The following SGCZ variants were observed in gnomAD, a reference collection of about 807,000 sequenced individuals.
The protein encoded by SGCZ is zeta-sarcoglycan.
Under a neutral mutation model 41.3 loss-of-function variants are expected in SGCZ, and 40 were observed. That is an observed-to-expected ratio of 0.97 (90% CI 0.75 to 1.26). The LOEUF (loss-of-function observed/expected upper bound fraction) is 1.26, where lower values mean the gene tolerates loss of function less well. SGCZ is among the 50% of genes most tolerant of loss of function. SGCZ has a pLI of 0.00. For synonymous variants in SGCZ, 206 were observed against 137.5 expected, an observed-to-expected ratio of 1.50 and a Z score of -3.49; for missense variants, 552 against 369.8, an observed-to-expected ratio of 1.49 and a Z score of -4.04.
At chr8:14,435,510 A>G (rs1290416736) in intron 2 of SGCZ, among the ~76,000 whole-genome samples, 2 of 152,114 alleles carry the variant, frequency 1.3e-5, no homozygotes, top group African/African-American at 4.8e-5. Flanking sequence ...ATGCGATCAT[A>G]TACTTATGTT....
intron 2 of SGCZ, among the ~76,000 whole-genome samples, chr8:14,547,789 C>T (rs1016619395): frequency 6.6e-6 from 1 of 152,136 alleles, no homozygotes; most frequent in East Asian, 1.9e-4. Context: ...GTGAATCAGG[C>T]TATTTGCCTC....
At chr8:14,638,497 G>A (rs1014349915) in intron 1 of SGCZ, among the ~76,000 whole-genome samples, 22 of 151,714 alleles carry the variant, frequency 1.5e-4, no homozygotes, top group African/African-American at 5.3e-4. Context: ...CTTTCTTAAA[G>A]TCCATCAATA....
At chr8:14,671,258 T>C (rs939765782) in intron 1 of SGCZ, among the ~76,000 whole-genome samples, 1 of 152,230 alleles carries the variant, frequency 6.6e-6, no homozygotes, top group Non-Finnish European at 1.5e-5. Flanking sequence ...GTGGTATCTT[T>C]TTATGACCTC....
intron 1 of SGCZ, among the ~76,000 whole-genome samples, chr8:14,782,453 A>G (rs558390199): frequency 6.6e-6 from 1 of 152,142 alleles, no homozygotes; most frequent in Non-Finnish European, 1.5e-5. Context: ...GTATCCATCT[A>G]ACTTCTAATG....
At chr8:14,977,699 G>T (rs532629328) in intron 1 of SGCZ, among the ~76,000 whole-genome samples, 55 of 152,054 alleles carry the variant, frequency 3.6e-4, no homozygotes, top group Non-Finnish European at 6.0e-4. Flanking sequence ...TTTGAGAAAA[G>T]TTCAATCCCA....
chr8:14,806,085 G>A (rs1245204221), intron 1 of SGCZ, among the ~76,000 whole-genome samples: 1 of 151,808 alleles, frequency 6.6e-6, no homozygotes, highest in African/African-American at 2.4e-5. Context: ...AAAGCAGTGT[G>A]TAGAGGGAAA....
At chr8:15,040,181 C>G (rs368799208) in intron 1 of SGCZ, among the ~76,000 whole-genome samples, 15 of 152,252 alleles carry the variant, frequency 9.9e-5, no homozygotes, top group East Asian at 7.7e-4. Flanking sequence ...TGTTTAAATA[C>G]TAATGGTTCT....
chr8:14,569,948 C>G (rs80200709), intron 1 of SGCZ, among the ~76,000 whole-genome samples: 1 of 143,084 alleles, frequency 7.0e-6, no homozygotes, highest in Non-Finnish European at 1.5e-5. Context: ...GCACTGGAAT[C>G]TTTTTTTTTT....
At position 14,270,254 on chromosome 8, in the gene SGCZ, C is replaced by T. The variant is rs1249562848; in HGVS notation, c.337-32575G>A. On this transcript the variant is annotated intron_variant, in intron 3 of 7. Transcript: ENST00000382080. Reference sequence around the variant, plus strand: ...GGCTGAGGCAGGAGAATCACTAGAACCTGGGAGGCGGAGGTTGCAGTGAGC... The same window carrying T: ...GGCTGAGGCAGGAGAATCACTAGAATCTGGGAGGCGGAGGTTGCAGTGAGC... Among the ~76,000 whole-genome samples, 3 of 152,012 alleles carry T rather than the reference C, an allele frequency of 2.0e-5. No homozygotes were observed. In the South Asian group the frequency reaches 6.2e-4, roughly 32 times the overall value.
chr8:14,412,707 G>A (rs1799393254), intron 2 of SGCZ, among the ~76,000 whole-genome samples: 1 of 151,928 alleles, frequency 6.6e-6, no homozygotes, highest in Non-Finnish European at 1.5e-5. Flanking sequence ...TCTCACAAGG[G>A]CTAATGTATT....
chr8:14,421,364 C>T (rs1177166537), intron 2 of SGCZ, among the ~76,000 whole-genome samples: 1 of 152,046 alleles, frequency 6.6e-6, no homozygotes, highest in Non-Finnish European at 1.5e-5. Flanking sequence ...TACTAGAAGT[C>T]CCCATGTCAG....
intron 2 of SGCZ, among the ~76,000 whole-genome samples, chr8:14,552,333 T>C (rs913847899): frequency 3.9e-5 from 6 of 152,056 alleles, no homozygotes; most frequent in East Asian, 1.9e-4. Flanking sequence ...AGTGACTACA[T>C]TGAGCTAGAG....
chr8:14,278,219 A>C (rs1390664527), intron 3 of SGCZ, among the ~76,000 whole-genome samples: 1 of 152,126 alleles, frequency 6.6e-6, no homozygotes, highest in African/African-American at 2.4e-5. Context: ...CCTCCTCCGT[A>C]AGGTATTTAA....
chr8:14,975,541 A>C (rs910406082), intron 1 of SGCZ, among the ~76,000 whole-genome samples: 6 of 152,056 alleles, frequency 3.9e-5, no homozygotes, highest in South Asian at 4.1e-4. Flanking sequence ...TTTTTGACCC[A>C]GTGAGATTGT....
At chr8:14,826,396 A>C (rs573396653) in intron 1 of SGCZ, among the ~76,000 whole-genome samples, 64 of 152,222 alleles carry the variant, frequency 4.2e-4, no homozygotes, top group African/African-American at 1.5e-3. Context: ...ATAAACATAC[A>C]TGTGCATGTG....
intron 1 of SGCZ, among the ~76,000 whole-genome samples, chr8:14,608,776 T>C (rs576976479): frequency 1.3e-5 from 2 of 152,180 alleles, no homozygotes; most frequent in East Asian, 3.9e-4. Flanking sequence ...GGAGATCACA[T>C]TTCAACGTGA....
intron 1 of SGCZ, among the ~76,000 whole-genome samples, chr8:15,028,867 A>C (rs542584238): frequency 5.9e-5 from 9 of 152,240 alleles, no homozygotes; most frequent in African/African-American, 2.2e-4. Flanking sequence ...TAAATCCTCC[A>C]AATTCTATTC....
intron 1 of SGCZ, among the ~76,000 whole-genome samples, chr8:14,785,225 G>A (rs1388909343): frequency 6.6e-6 from 1 of 151,218 alleles, no homozygotes; most frequent in Non-Finnish European, 1.5e-5. Context: ...TATACTCTTT[G>A]ATACAATATT....
intron 1 of SGCZ, among the ~76,000 whole-genome samples, chr8:14,774,715 T>C (rs1800346896): frequency 6.6e-6 from 1 of 152,226 alleles, no homozygotes; most frequent in South Asian, 2.1e-4. Context: ...TAGCTTGAAA[T>C]GTGGTTAATT....
Sources: gnomAD v4.1 joint callset for allele counts (sites outside exome capture counted in the v4.1 genomes callset) on GRCh38, gnomAD v4.1.1 for gene constraint, MANE v1.5 for transcripts, NCBI Gene and HGNC (gene_info 2026-07-23, HGNC 2026-07-21) for gene names.